The following SBF2 variants were observed in gnomAD, a reference collection of about 807,000 sequenced individuals.
SBF2 encodes the protein SET binding factor 2, also known as myotubularin-related protein 13.
In SBF2, 112 loss-of-function variants were observed where a neutral mutation model predicts 225.2. The ratio of observed to expected loss-of-function variants is 0.50; its 90% CI spans 0.43 to 0.58. The LOEUF (loss-of-function observed/expected upper bound fraction) is 0.58. Ranked by LOEUF, SBF2 falls within the 20% of genes least tolerant of loss-of-function variation. The pLI is 0.00. For missense variants in SBF2, 1,996 were observed against 2,206.2 expected (o/e 0.90, Z 1.91); for synonymous variants, 763 against 773.3 (o/e 0.99, Z 0.22).
intron 29 of SBF2, among the ~76,000 whole-genome samples, chr11:9,813,618 G>A (rs1243338261): frequency 6.6e-6 from 1 of 152,154 alleles, no homozygotes; most frequent in South Asian, 2.1e-4. Flanking sequence ...GAGCCACCAC[G>A]CCCAGTCCTA....
intron 38 of SBF2, among the ~76,000 whole-genome samples, chr11:9,782,572 A>G (rs1812794671): frequency 6.6e-6 from 1 of 152,206 alleles, no homozygotes; most frequent in African/African-American, 2.4e-5. Context: ...GTTTATGCCT[A>G]TTGAAACATC....
At chr11:9,949,209 T>C (rs996236231) in intron 16 of SBF2, among the ~76,000 whole-genome samples, 3 of 152,174 alleles carry the variant, frequency 2.0e-5, no homozygotes, top group African/African-American at 4.8e-5. Context: ...TTGATTTTTA[T>C]AGGCTAATCT....
At position 10,294,094 on chromosome 11, in the gene SBF2, G is replaced by A; in HGVS notation, c.-25C>T. On this transcript the variant is annotated 5_prime_UTR_variant, in exon 1 of 40. Coordinates refer to ENST00000256190, the MANE Select transcript of SBF2 (RefSeq NM_030962.4). ...TGGCCGCCGCCGCCGCGCTCGGGAAGCGGGTCCCCGTCGCCGCCCTCGCCG... is the reference window on the plus strand; with the variant it reads ...TGGCCGCCGCCGCCGCGCTCGGGAAACGGGTCCCCGTCGCCGCCCTCGCCG... 4 of 1,343,726 alleles carry A rather than the reference G, an allele frequency of 3.0e-6. No homozygotes were observed. Among genetic ancestry groups the A allele is most frequent in the Non-Finnish European group, 3.8e-6 (4 of 1,048,302 alleles). 83.2% of individuals were successfully genotyped at this position (1,343,726 alleles called of 1,614,324 possible). A position where few individuals can be genotyped will look rare whatever the true frequency, so the allele number is the denominator to read the frequency against.
chr11:10,262,040 G>A (rs1362613635), intron 1 of SBF2, among the ~76,000 whole-genome samples: 1 of 151,966 alleles, frequency 6.6e-6, no homozygotes, highest in African/African-American at 2.4e-5. Context: ...ACAAAGATGT[G>A]TAAAATTCCA....
intron 2 of SBF2, among the ~76,000 whole-genome samples, chr11:10,188,354 A>G (rs1957025240): frequency 6.6e-6 from 1 of 152,094 alleles, no homozygotes; most frequent in African/African-American, 2.4e-5. Flanking sequence ...GATACCATGT[A>G]ACGAAGTCCA....
intron 23 of SBF2, among the ~76,000 whole-genome samples, chr11:9,846,512 A>G (rs929576310): frequency 6.6e-6 from 1 of 152,244 alleles, no homozygotes; most frequent in African/African-American, 2.4e-5. Flanking sequence ...AAACCCCTGG[A>G]AAACCTCTTG....
At chr11:10,134,631 T>C (rs1347667741) in intron 2 of SBF2, among the ~76,000 whole-genome samples, 1 of 152,224 alleles carries the variant, frequency 6.6e-6, no homozygotes, top group Non-Finnish European at 1.5e-5. Flanking sequence ...TTACAGGCAC[T>C]GTGCAAGTCC....
At chr11:10,015,689 GC>G (rs894191136) in intron 6 of SBF2, among the ~76,000 whole-genome samples, 1 of 152,172 alleles carries the variant, frequency 6.6e-6, no homozygotes, top group Non-Finnish European at 1.5e-5. Flanking sequence ...GAGTGAGGAA[GC>G]AAATGGCATT....
At chr11:10,000,160 C>A (rs1184486296) in intron 8 of SBF2, among the ~76,000 whole-genome samples, 1 of 152,238 alleles carries the variant, frequency 6.6e-6, no homozygotes. Context: ...ATAGCCACTT[C>A]ATCCACTGAT....
At chr11:9,926,970 A>C (rs879557738) in intron 16 of SBF2, among the ~76,000 whole-genome samples, 1 of 152,166 alleles carries the variant, frequency 6.6e-6, no homozygotes, top group Non-Finnish European at 1.5e-5. Flanking sequence ...TTCTCTGAGA[A>C]ATTTAATAAA....
chr11:9,921,396 G>C (rs1479988226), intron 16 of SBF2, among the ~76,000 whole-genome samples: 1 of 152,066 alleles, frequency 6.6e-6, no homozygotes, highest in Non-Finnish European at 1.5e-5. Context: ...ACAAATTCCT[G>C]GGCTCCATCC....
rs757164829 is a variant in SBF2, at chr11:9,850,172, C to T, written c.2657G>A (p.Cys886Tyr). The change falls in exon 22 of 40, where the codon TGT (cysteine) becomes TAT (tyrosine). Residue 886 changes from cysteine to tyrosine, a missense_variant. Transcript: ENST00000256190. The stretch of plus-strand genomic sequence containing the variant: ...ATCCAGCAAGACTCGAAGACCCTCA[C>T]AGACAATTTCTTCTCCTGGCAGCAG... ...PALLPGEEIV[C>Y]EGLRVLLDPD... 3 of 1,614,004 alleles carry T rather than the reference C, an allele frequency of 1.9e-6. 1 individual carries two copies. Among genetic ancestry groups the T allele is most frequent in the Admixed American group, 1.7e-5 (1 of 60,018 alleles).
chr11:9,953,934 A>G (rs1434106648), intron 16 of SBF2, among the ~76,000 whole-genome samples: 1 of 152,194 alleles, frequency 6.6e-6, no homozygotes, highest in Non-Finnish European at 1.5e-5. Context: ...TATTTTTAAA[A>G]GATCTTAGCT....
intron 32 of SBF2, among the ~76,000 whole-genome samples, chr11:9,798,359 C>G (rs970602630): frequency 6.6e-6 from 1 of 152,166 alleles, no homozygotes; most frequent in African/African-American, 2.4e-5. Context: ...CAGCCCCACC[C>G]CAAGGAGCCA....
chr11:9,778,850 G>A lies in SBF2; in HGVS notation c.*1568C>T, dbSNP rs1193190093. 1 of 152,614 alleles carries A rather than the reference G, an allele frequency of 6.6e-6. No individual in the cohort carries two copies. Among genetic ancestry groups the A allele is most frequent in the Admixed American group, 6.5e-5 (1 of 15,276 alleles). The allele number at this position is 152,614 out of a possible 1,614,324, so 9.5% of individuals were successfully genotyped here. A position where few individuals can be genotyped will look rare whatever the true frequency, so the allele number is the denominator to read the frequency against. On this transcript the variant is annotated 3_prime_UTR_variant, in exon 40 of 40. Coordinates refer to ENST00000256190, the MANE Select transcript of SBF2 (RefSeq NM_030962.4). ...ATGTGAGGCAATGTAATGCCTTCAC[G>A]AAAGTTAAAGTAATCCAGTTACAAA... is the stretch of plus-strand genomic sequence containing the variant.
chr11:9,815,731 C>G (rs1854424276), intron 29 of SBF2, among the ~76,000 whole-genome samples: 1 of 152,144 alleles, frequency 6.6e-6, no homozygotes, highest in South Asian at 2.1e-4. Context: ...GCACCAGCAA[C>G]CCTGGATTGC....
chr11:9,859,392 CAGTT>C (rs1205324510), intron 17 of SBF2, among the ~76,000 whole-genome samples: 1 of 152,168 alleles, frequency 6.6e-6, no homozygotes, highest in Non-Finnish European at 1.5e-5. Context: ...TGCCAAATTT[CAGTT>C]AGTGACTTGA....
intron 3 of SBF2, among the ~76,000 whole-genome samples, chr11:10,038,939 C>T (rs1949548448): frequency 6.6e-6 from 1 of 151,564 alleles, no homozygotes; most frequent in African/African-American, 2.4e-5. Flanking sequence ...TAATAAAAGT[C>T]AATGTAAATC....
chr11:9,827,012 AT>A (rs1193636178), intron 28 of SBF2, among the ~76,000 whole-genome samples: 1 of 152,022 alleles, frequency 6.6e-6, no homozygotes. Flanking sequence ...TAATTTTAGT[AT>A]TTTTAGTAGA....
Sources: allele counts gnomAD v4.1 joint callset (sites outside exome capture counted in the v4.1 genomes callset), GRCh38; gene constraint gnomAD v4.1.1; transcripts MANE v1.5; gene names NCBI Gene and HGNC (gene_info 2026-07-23, HGNC 2026-07-21).